Variants in ZCCHC7 observed in about 807,000 individuals in gnomAD.
ZCCHC7 encodes the protein zinc finger CCHC domain-containing protein 7.
A neutral mutation model predicts 52.0 loss-of-function variants in ZCCHC7; 35 were observed. That is an observed-to-expected ratio of 0.67 (90% CI 0.51 to 0.89). The LOEUF (loss-of-function observed/expected upper bound fraction) is 0.89, where lower values mean the gene tolerates loss of function less well. Ranked by LOEUF, ZCCHC7 falls within the 40% of genes least tolerant of loss-of-function variation. The probability of loss-of-function intolerance (pLI) is 0.00; values close to 1 mark genes in which losing one functional copy is unlikely to be tolerated. For synonymous variants in ZCCHC7, 217 were observed against 221.5 expected, an observed-to-expected ratio of 0.98 and a Z score of 0.18; for missense variants, 574 against 649.1, an observed-to-expected ratio of 0.88 and a Z score of 1.26.
intron 6 of ZCCHC7, among the ~76,000 whole-genome samples, chr9:37,335,550 A>G (rs560314668): frequency 6.6e-6 from 1 of 152,176 alleles, no homozygotes; most frequent in Non-Finnish European, 1.5e-5. Context: ...CAGACAGAGC[A>G]TGTTAAACAC....
intron 2 of ZCCHC7, among the ~76,000 whole-genome samples, chr9:37,207,796 A>G (rs569770263): frequency 4.6e-4 from 70 of 151,852 alleles, no homozygotes; most frequent in Non-Finnish European, 8.2e-4. Context: ...CTACTTCTAA[A>G]TTTTCCATTG....
intron 2 of ZCCHC7, among the ~76,000 whole-genome samples, chr9:37,196,625 G>A (rs1823302660): frequency 6.6e-6 from 1 of 151,944 alleles, no homozygotes; most frequent in African/African-American, 2.4e-5. Flanking sequence ...ACCATTTTTA[G>A]CACTATAAAA....
intron 2 of ZCCHC7, among the ~76,000 whole-genome samples, chr9:37,288,073 A>G (rs1828340410): frequency 6.6e-6 from 1 of 151,992 alleles, no homozygotes; most frequent in Admixed American, 6.6e-5. Flanking sequence ...GAGCCCAAAA[A>G]TTTGAGACCA....
At chr9:37,311,686 C>T (rs547802145) in intron 5 of ZCCHC7, among the ~76,000 whole-genome samples, 158 of 152,318 alleles carry the variant, frequency 1.0e-3, no homozygotes, top group African/African-American at 3.6e-3. Context: ...CTGGGGTTAA[C>T]AGGCGTGAGC....
At chr9:37,253,516 A>ATT (rs1457151093) in intron 2 of ZCCHC7, among the ~76,000 whole-genome samples, 2 of 152,080 alleles carry the variant, frequency 1.3e-5, no homozygotes, top group African/African-American at 4.8e-5. Flanking sequence ...ACTGAAACAC[A>ATT]TGGTAAACCG....
intron 2 of ZCCHC7, among the ~76,000 whole-genome samples, chr9:37,249,869 A>G (rs1826242897): frequency 6.6e-6 from 1 of 152,154 alleles, no homozygotes; most frequent in Non-Finnish European, 1.5e-5. Context: ...ACATAGTCAG[A>G]GATGTGTAGA....
intron 2 of ZCCHC7, among the ~76,000 whole-genome samples, chr9:37,279,748 A>G (rs1482274169): frequency 6.6e-6 from 1 of 151,852 alleles, no homozygotes; most frequent in Non-Finnish European, 1.5e-5. Flanking sequence ...TGAATTGTGT[A>G]TATACAGAAC....
intron 5 of ZCCHC7, among the ~76,000 whole-genome samples, chr9:37,318,498 G>A (rs1829919374): frequency 1.3e-5 from 2 of 151,478 alleles, no homozygotes; most frequent in East Asian, 1.9e-4. Context: ...AAATGATATT[G>A]AAATATAAAT....
intron 6 of ZCCHC7, 137 bp downstream of exon 6, chr9:37,327,971 C>T: frequency 1.1e-6 from 1 of 871,428 alleles, no homozygotes; most frequent in East Asian, 2.6e-5. Context: ...ACGGAGAAAG[C>T]AATAATACAC....
chr9:37,305,828 G>T, intron 5 of ZCCHC7, 114 bp downstream of exon 5: 2 of 954,764 alleles, frequency 2.1e-6, no homozygotes, highest in Admixed American at 2.7e-5. Context: ...TGTTTACTCC[G>T]TGAGATATAT....
chr9:37,156,537 A>G (rs755231013), intron 2 of ZCCHC7, among the ~76,000 whole-genome samples: 1 of 152,224 alleles, frequency 6.6e-6, no homozygotes, highest in African/African-American at 2.4e-5. Flanking sequence ...AATTCTTTTC[A>G]TAGCAGGATA....
At chr9:37,121,114 G>C (rs1037278792) in intron 1 of ZCCHC7, among the ~76,000 whole-genome samples, 1 of 152,122 alleles carries the variant, frequency 6.6e-6, no homozygotes, top group African/African-American at 2.4e-5. Context: ...CATGTAAAAC[G>C]AGTAGACTTG....
At chr9:37,342,144 A>G (rs1455847938) in intron 6 of ZCCHC7, among the ~76,000 whole-genome samples, 1 of 152,188 alleles carries the variant, frequency 6.6e-6, no homozygotes, top group Non-Finnish European at 1.5e-5. Context: ...TAATTGGACC[A>G]GGACAGTACT....
upstream of ZCCHC7, among the ~76,000 whole-genome samples, chr9:37,120,219 C>T (rs1842243186): frequency 6.6e-6 from 1 of 152,200 alleles, no homozygotes; most frequent in Non-Finnish European, 1.5e-5. Flanking sequence ...TCAACCTCGC[C>T]CGTGTCCTCA....
At chr9:37,241,466 A>G (rs952832956) in intron 2 of ZCCHC7, among the ~76,000 whole-genome samples, 3 of 151,844 alleles carry the variant, frequency 2.0e-5, no homozygotes, top group Non-Finnish European at 3.0e-5. Context: ...CAGCTAAAAC[A>G]TACTCAGCAA....
At chr9:37,167,212 T>C (rs1199372301) in intron 2 of ZCCHC7, among the ~76,000 whole-genome samples, 2 of 152,054 alleles carry the variant, frequency 1.3e-5, no homozygotes, top group Non-Finnish European at 2.9e-5. Flanking sequence ...TCTTCTGCAG[T>C]GTCTATTCTG....
At chr9:37,348,012 G>T (rs967025243) in intron 6 of ZCCHC7, among the ~76,000 whole-genome samples, 1 of 152,066 alleles carries the variant, frequency 6.6e-6, no homozygotes, top group African/African-American at 2.4e-5. Flanking sequence ...TGTCTTCAGG[G>T]TTCCTTCCTC....
intron 2 of ZCCHC7, among the ~76,000 whole-genome samples, chr9:37,138,392 A>G (rs1292077997): frequency 2.0e-5 from 3 of 152,172 alleles, no homozygotes; most frequent in South Asian, 2.1e-4. Context: ...TTGATATTGT[A>G]TATCACTAAT....
At chr9:37,241,815 A>G (rs1260819209) in intron 2 of ZCCHC7, among the ~76,000 whole-genome samples, 1 of 151,688 alleles carries the variant, frequency 6.6e-6, no homozygotes, top group African/African-American at 2.4e-5. Context: ...CTGCATCCCT[A>G]TTCTAACCCC....
Sources: allele counts gnomAD v4.1 joint callset (sites outside exome capture counted in the v4.1 genomes callset), GRCh38; gene constraint gnomAD v4.1.1; transcripts MANE v1.5; gene names NCBI Gene and HGNC (gene_info 2026-07-23, HGNC 2026-07-21).